The following SND1 variants were observed in gnomAD, a reference collection of about 807,000 sequenced individuals.
SND1 encodes the protein staphylococcal nuclease and tudor domain containing 1.
Under a neutral mutation model 121.7 loss-of-function variants are expected in SND1, and 38 were observed. That is an observed-to-expected ratio of 0.31 (90% CI 0.24 to 0.41). The LOEUF (loss-of-function observed/expected upper bound fraction) is 0.41, where lower values mean the gene tolerates loss of function less well. Ranked by LOEUF, SND1 falls within the 10% of genes least tolerant of loss-of-function variation. The pLI, the probability that SND1 is intolerant of heterozygous loss-of-function variation, is 1.00. For missense variants in SND1, 868 were observed against 1,184.6 expected (o/e 0.73, Z 3.92); for synonymous variants, 401 against 447.4 (o/e 0.90, Z 1.31).
chr7:128,029,176 T>G lies in SND1; in HGVS notation c.1779+38120T>G. The G allele has an allele frequency of 6.2e-7, 1 of 1,613,750 alleles. No homozygotes were observed. The highest frequency in any genetic ancestry group is 1.7e-5 in the Admixed American group (1 of 59,980). On this transcript the variant is annotated intron_variant, in intron 16 of 23. Transcript: ENST00000354725. The surrounding 1 kb of genome is among the most constrained non-coding windows in gnomAD (Gnocchi z 4.2). ...GTCTGAATGAGCACCGTGGTAGAGG[T>G]GGTATATGCCGGCTGGTAACCAGTG...
At chr7:128,037,482 G>C (rs781160932) in intron 16 of SND1, among the ~76,000 whole-genome samples, 1 of 152,152 alleles carries the variant, frequency 6.6e-6, no homozygotes, top group South Asian at 2.1e-4. Flanking sequence ...CCGTCACAGG[G>C]TTCTGGGAAT....
rs377203235 is a variant in SND1, at chr7:127,701,189, G to A, written c.455G>A (p.Cys152Tyr). 4.5e-5 allele frequency: 72 copies of A among 1,613,922 alleles called. No individual in the cohort carries two copies. Among genetic ancestry groups the A allele is most frequent in the Middle Eastern group, 3.3e-4 (2 of 6,084 alleles). Reference sequence around the variant, plus strand: ...CCTGAGCAGAACCGGCTTTCAGAATGTGAAGAACAAGCAAAGGCAGCCAAG... The same window carrying A: ...CCTGAGCAGAACCGGCTTTCAGAATATGAAGAACAAGCAAAGGCAGCCAAG... ...NNPEQNRLSECEEQAKAAKKG... is the reference protein window; with the variant it reads ...NNPEQNRLSEYEEQAKAAKKG... Residue 152 changes from cysteine to tyrosine, a missense_variant, in exon 5 of 24, where the codon TGT (cysteine) becomes TAT (tyrosine). This residue lies in a region of SND1 where 743 missense variants were observed against 1,071.3 expected (regional missense o/e 0.69). Coordinates refer to ENST00000354725, the MANE Select transcript of SND1 (RefSeq NM_014390.4).
intron 1 of SND1, among the ~76,000 whole-genome samples, chr7:127,685,730 T>G (rs1795800808): frequency 6.6e-6 from 1 of 152,210 alleles, no homozygotes; most frequent in African/African-American, 2.4e-5. Context: ...GTTTATTAGA[T>G]TCTTACGTTT....
intron 14 of SND1, among the ~76,000 whole-genome samples, chr7:127,925,486 C>CTATATCTATATGCTATAGAT (rs1237674452): frequency 2.6e-5 from 4 of 152,134 alleles, no homozygotes; most frequent in Admixed American, 6.5e-5. Flanking sequence ...CATATAGATA[C>CTATATCTATATGCTATAGAT]ATAAGCAGAA....
intron 16 of SND1, among the ~76,000 whole-genome samples, chr7:128,021,424 A>T (rs1803346412): frequency 6.6e-6 from 1 of 152,176 alleles, no homozygotes; most frequent in Non-Finnish European, 1.5e-5. Context: ...CCTATAACTC[A>T]TTCAGTTCAC....
At chr7:128,008,464 CTT>C (rs780986426) in intron 16 of SND1, among the ~76,000 whole-genome samples, 76 of 135,874 alleles carry the variant, frequency 5.6e-4, no homozygotes, top group Non-Finnish European at 6.0e-4. Flanking sequence ...TTTTTCTTTC[CTT>C]TTTTTTTTTT....
intron 12 of SND1, among the ~76,000 whole-genome samples, chr7:127,866,008 T>C (rs1250607287): frequency 6.6e-6 from 1 of 152,134 alleles, no homozygotes; most frequent in Non-Finnish European, 1.5e-5. Context: ...CTAATGCTGA[T>C]TAAAATGAAG....
At chr7:127,815,000 G>T (rs1798406009) in intron 11 of SND1, among the ~76,000 whole-genome samples, 1 of 152,126 alleles carries the variant, frequency 6.6e-6, no homozygotes, top group Admixed American at 6.5e-5. Context: ...TTGCTCTTAT[G>T]TGAAAGAAAT....
intron 16 of SND1, among the ~76,000 whole-genome samples, chr7:128,040,464 A>T (rs1027175810): frequency 6.7e-6 from 1 of 149,262 alleles, no homozygotes; most frequent in African/African-American, 2.5e-5. Context: ...AAAAAAAAAA[A>T]AAGACATGGT....
intron 3 of SND1, among the ~76,000 whole-genome samples, chr7:127,698,258 G>A (rs562617698): frequency 6.6e-6 from 1 of 152,316 alleles, no homozygotes; most frequent in South Asian, 2.1e-4. Context: ...GGACATCCCT[G>A]AGAGGAATTG....
At chr7:127,766,513 T>A (rs60126795) in intron 10 of SND1, among the ~76,000 whole-genome samples, 1 of 152,134 alleles carries the variant, frequency 6.6e-6, no homozygotes, top group Non-Finnish European at 1.5e-5. Flanking sequence ...CGATGGCTCA[T>A]GCCTTTAATC....
intron 12 of SND1, among the ~76,000 whole-genome samples, chr7:127,867,900 T>TA (rs57966397): frequency 0.8 from 118,088 of 148,282 alleles, 47,068 homozygotes; most frequent in East Asian, 0.85. Flanking sequence ...ACCATTCCTT[T>TA]AAAAAAAAAA....
intron 1 of SND1, among the ~76,000 whole-genome samples, chr7:127,679,955 C>G (rs377260134): frequency 6.6e-6 from 1 of 152,058 alleles, no homozygotes; most frequent in African/African-American, 2.4e-5. Context: ...TATATACTAT[C>G]GGGGAACCTG....
chr7:127,798,334 T>G (rs563936906), intron 10 of SND1, among the ~76,000 whole-genome samples: 1 of 152,320 alleles, frequency 6.6e-6, no homozygotes, highest in East Asian at 1.9e-4. Flanking sequence ...TCCAGACCCC[T>G]GGATGGCTTT....
chr7:127,694,632 A>G, intron 2 of SND1, 196 bp from the exon 3 acceptor site: 1 of 557,838 alleles, frequency 1.8e-6, no homozygotes, highest in Non-Finnish European at 3.1e-6. Context: ...CAACTGCTGG[A>G]CCCTCCTTTT....
rs556971124 is a variant in SND1, at chr7:127,913,298, T to C, written c.1527+8479T>C. 9.2e-5 allele frequency among the ~76,000 whole-genome samples: 14 copies of C among 152,326 alleles called. No individual in the cohort carries two copies. In the South Asian group the frequency reaches 2.5e-3, roughly 27 times the overall value. On this transcript the variant is annotated intron_variant, in intron 14 of 23. Transcript: ENST00000354725. The stretch of plus-strand genomic sequence containing the variant: ...ATTTTTCTAGTTTCCTTCTGCTTCC[T>C]TGTTTAACTGTGCCTTCACAAACAG...
chr7:128,004,813 T>C (rs1297712705), intron 16 of SND1, among the ~76,000 whole-genome samples: 1 of 152,260 alleles, frequency 6.6e-6, no homozygotes, highest in Admixed American at 6.5e-5. Flanking sequence ...CAATCTTGCC[T>C]GTGTGGTCAG....
intron 9 of SND1, among the ~76,000 whole-genome samples, chr7:127,717,032 A>G (rs1371991679): frequency 6.6e-6 from 1 of 152,238 alleles, no homozygotes; most frequent in Non-Finnish European, 1.5e-5. Context: ...GATTGAAAGA[A>G]TATTAACCTG....
intron 10 of SND1, among the ~76,000 whole-genome samples, chr7:127,764,029 A>C (rs1355501416): frequency 7.2e-5 from 9 of 124,716 alleles, no homozygotes; most frequent in Admixed American, 1.9e-4. Context: ...ACAGAGCAAG[A>C]CCCTGTCGCA....
Sources: allele counts gnomAD v4.1 joint callset (sites outside exome capture counted in the v4.1 genomes callset), GRCh38; gene constraint gnomAD v4.1.1; regional missense constraint gnomAD v4.1.1; non-coding constraint Gnocchi (gnomAD v3.1); transcripts MANE v1.5; gene names NCBI Gene and HGNC (gene_info 2026-07-23, HGNC 2026-07-21).